The following CCDC73 variants were observed in gnomAD, a reference collection of about 807,000 sequenced individuals.
CCDC73 encodes coiled-coil domain-containing protein 73.
Under a neutral mutation model 116.5 loss-of-function variants are expected in CCDC73, and 95 were observed. That is an observed-to-expected ratio of 0.82 (90% CI 0.69 to 0.97). CCDC73 has a LOEUF of 0.97. CCDC73 is among the 50% of genes least tolerant of loss of function. CCDC73 has a pLI of 0.00. For missense variants in CCDC73, 1,066 were observed against 1,206.8 expected (o/e 0.88, Z 1.73); for synonymous variants, 398 against 401.3 (o/e 0.99, Z 0.10).
At chr11:32,674,801 T>TG (rs1856071020) in intron 9 of CCDC73, among the ~76,000 whole-genome samples, 2 of 152,286 alleles carry the variant, frequency 1.3e-5, no homozygotes, top group South Asian at 4.1e-4. Context: ...CCTGCCAATT[T>TG]GGGGCTCAGC....
rs1310746943 is a variant in CCDC73 at position 32,776,988 on chromosome 11, T to C, written c.-15-16730A>G. On this transcript the variant is annotated intron_variant, in intron 1 of 17. Coordinates refer to ENST00000335185, the MANE Select transcript of CCDC73 (RefSeq NM_001008391.4). Reference sequence around the variant, plus strand: ...ACACACACACATATATATATACACATGTATATATATATATATATATATATA... The same window carrying C: ...ACACACACACATATATATATACACACGTATATATATATATATATATATATA... Among the ~76,000 whole-genome samples, 4 of 44,488 alleles carry C rather than the reference T, an allele frequency of 9.0e-5. No individual in the cohort carries two copies. In the East Asian group the frequency reaches 1.3e-3, roughly 15 times the overall value. 29.2% of individuals were successfully genotyped at this position (44,488 alleles called of 152,430 possible). A position where few individuals can be genotyped will look rare whatever the true frequency, so the allele number is the denominator to read the frequency against.
intron 13 of CCDC73, among the ~76,000 whole-genome samples, chr11:32,641,093 T>G (rs1246175755): frequency 6.6e-6 from 1 of 152,120 alleles, no homozygotes; most frequent in Non-Finnish European, 1.5e-5. Context: ...ACTTATGTAA[T>G]AATTTGAATC....
chr11:32,762,191 G>A (rs1308996162), intron 1 of CCDC73, among the ~76,000 whole-genome samples: 4 of 152,086 alleles, frequency 2.6e-5, no homozygotes, highest in Admixed American at 2.0e-4. Flanking sequence ...TACTGAAAAT[G>A]ATGAGATATG....
At chr11:32,611,416 G>A (rs2133217959) in intron 16 of CCDC73, 151 bp from the exon 17 acceptor site, 1 of 646,786 alleles carries the variant, frequency 1.5e-6, no homozygotes, top group Non-Finnish European at 2.6e-6. Flanking sequence ...CCTAGACTTT[G>A]CTCTTAAATT....
rs147287658 is a variant in CCDC73 at position 32,619,011 on chromosome 11, A to C, written c.1186-2882T>G. Reference sequence around the variant, plus strand: ...AGGTGTCTGTTCATGTCTTTTGTCCACTTTTTAAATAGGTTATTTGTTTAT... The same window carrying C: ...AGGTGTCTGTTCATGTCTTTTGTCCCCTTTTTAAATAGGTTATTTGTTTAT... On this transcript the variant is annotated intron_variant, in intron 14 of 17. Transcript: ENST00000335185. Among the ~76,000 whole-genome samples, 1,159 of 152,140 alleles carry C rather than the reference A, an allele frequency of 7.6e-3. 12 individuals carry two copies. The highest frequency in any genetic ancestry group is 0.026 in the African/African-American group (1,076 of 41,506).
chr11:32,621,201 G>A (rs1457536520), intron 14 of CCDC73, among the ~76,000 whole-genome samples: 1 of 152,132 alleles, frequency 6.6e-6, no homozygotes, highest in African/African-American at 2.4e-5. Flanking sequence ...CCAAAAAAGA[G>A]CCAGTATAGC....
At chr11:32,657,650 G>A (rs1855885881) in intron 9 of CCDC73, among the ~76,000 whole-genome samples, 1 of 151,978 alleles carries the variant, frequency 6.6e-6, no homozygotes, top group Admixed American at 6.6e-5. Flanking sequence ...AGATCAGTAG[G>A]CTATAAAGAG....
chr11:32,703,224 A>G (rs1160397920), intron 3 of CCDC73, among the ~76,000 whole-genome samples: 2 of 152,048 alleles, frequency 1.3e-5, no homozygotes, highest in Non-Finnish European at 2.9e-5. Flanking sequence ...AGTAGCTGGG[A>G]TTACAGATGT....
At chr11:32,805,999 A>G in the CCDC73 span, among the ~76,000 whole-genome samples, 1 of 152,262 alleles carries the variant, frequency 6.6e-6, no homozygotes, top group South Asian at 2.1e-4. Context: ...AGCTATAGCT[A>G]ATTCCAAATC....
chr11:32,797,745 G>A (rs11603045), upstream of CCDC73, among the ~76,000 whole-genome samples: 1 of 152,110 alleles, frequency 6.6e-6, no homozygotes, highest in Non-Finnish European at 1.5e-5. Flanking sequence ...CAGTGCTTAA[G>A]AGCAAATGGC....
At chr11:32,686,224 A>C (rs1170480560) in intron 6 of CCDC73, among the ~76,000 whole-genome samples, 1 of 150,932 alleles carries the variant, frequency 6.6e-6, no homozygotes, top group African/African-American at 2.4e-5. Context: ...AAAAAAAAAA[A>C]AAAAAAACCA....
intron 2 of CCDC73, among the ~76,000 whole-genome samples, chr11:32,719,044 G>A (rs1284508189): frequency 6.6e-6 from 1 of 152,134 alleles, no homozygotes; most frequent in Admixed American, 6.6e-5. Flanking sequence ...AGAACAAGGA[G>A]ATACAGCAAG....
At chr11:32,678,857 T>TG (rs1382088226) in intron 7 of CCDC73, among the ~76,000 whole-genome samples, 1 of 144,752 alleles carries the variant, frequency 6.9e-6, no homozygotes, top group African/African-American at 2.6e-5. Flanking sequence ...CACTCTAGCC[T>TG]GGGTGACAGA....
intron 13 of CCDC73, among the ~76,000 whole-genome samples, chr11:32,638,169 CAG>C (rs1855699208): frequency 6.6e-6 from 1 of 152,194 alleles, no homozygotes. Flanking sequence ...TCCTAATTCA[CAG>C]ACTCATAGGT....
At chr11:32,603,793 G>A (rs1204340284) in intron 17 of CCDC73, 2 of 152,300 alleles carry the variant, frequency 1.3e-5, no homozygotes, top group African/African-American at 4.8e-5. Context: ...AGGAATACTG[G>A]GCCAGGCACT....
intron 12 of CCDC73, 96 bp from the exon 13 acceptor site, chr11:32,642,178 A>G: frequency 7.8e-7 from 1 of 1,280,420 alleles, no homozygotes; most frequent in Non-Finnish European, 1.0e-6. Flanking sequence ...TAACATGCTG[A>G]AAGTGCCATA....
the CCDC73 span, among the ~76,000 whole-genome samples, chr11:32,810,538 G>T: frequency 9.2e-5 from 14 of 152,086 alleles, no homozygotes; most frequent in African/African-American, 2.7e-4. Flanking sequence ...AATTCAGCAC[G>T]CCCTTTAAAG....
intron 2 of CCDC73, among the ~76,000 whole-genome samples, chr11:32,748,082 C>A (rs528987970): frequency 6.6e-6 from 1 of 152,244 alleles, no homozygotes; most frequent in African/African-American, 2.4e-5. Context: ...ATCTTGGAAG[C>A]GACCCATCCT....
chr11:32,709,217 G>A (rs983047892), intron 3 of CCDC73, among the ~76,000 whole-genome samples: 6 of 152,090 alleles, frequency 3.9e-5, no homozygotes, highest in African/African-American at 1.4e-4. Context: ...ATTGACTTAC[G>A]TCTGTTAAAC....
Sources: allele counts gnomAD v4.1 joint callset (sites outside exome capture counted in the v4.1 genomes callset), GRCh38; gene constraint gnomAD v4.1.1; transcripts MANE v1.5; gene names NCBI Gene and HGNC (gene_info 2026-07-23, HGNC 2026-07-21).